SLC27A2: variants seen among roughly 807,000 people sequenced by gnomAD.
SLC27A2 encodes the protein solute carrier family 27 member 2, also known as long-chain fatty acid transport protein 2.
SLC27A2 carries 54 observed loss-of-function variants against 60.0 expected under a neutral mutation model. The observed-to-expected ratio is 0.90, with a 90% CI of 0.72 to 1.13. SLC27A2 has a LOEUF of 1.13. Ranked by LOEUF, SLC27A2 falls within the 50% of genes most tolerant of loss-of-function variation. SLC27A2 has a pLI of 0.00. For missense variants in SLC27A2, 739 were observed against 777.6 expected (o/e 0.95, Z 0.59); for synonymous variants, 297 against 297.6 (o/e 1.00, Z 0.02).
intron 4 of SLC27A2, among the ~76,000 whole-genome samples, chr15:50,217,329 G>A (rs1184840850): frequency 1.3e-5 from 2 of 152,180 alleles, no homozygotes; most frequent in African/African-American, 4.8e-5. Flanking sequence ...GAGACAGGAG[G>A]ATTTTTCTCT....
rs371096077 is a variant in SLC27A2 at position 50,200,672 on chromosome 15, C to G, written c.689-1815C>G. On this transcript the variant is annotated intron_variant, in intron 2 of 9. Coordinates refer to ENST00000267842, the MANE Select transcript of SLC27A2 (RefSeq NM_003645.4). ...CACTCAGATCTTAAACTCTTAGTCC[C>G]CTTCCCAGTGACTTCATGCCCTCCC... Among the ~76,000 whole-genome samples the G allele has an allele frequency of 1.3e-4, 20 of 152,174 alleles. No individual in the cohort carries two copies. The East Asian group carries it at 1.5e-3, about 12-fold the overall frequency.
In SLC27A2 at chr15:50,223,160, G is replaced by A. The variant is rs1412552729; in HGVS notation, c.1167+1G>A. 8 of 1,605,618 alleles carry A rather than the reference G, an allele frequency of 5.0e-6. No homozygotes were observed. The highest frequency in any genetic ancestry group is 6.8e-6 in the Non-Finnish European group (8 of 1,174,820). On this transcript the variant is annotated splice_donor_variant, in intron 5 of 9. Transcript: ENST00000267842. LOFTEE classifies it high-confidence loss of function. ...TGGAAGAGTAAACTACCTACAGAAA[G>A]TAAGTACATTGAAAAATGAGAGCAT...
chr15:50,211,562 G>A (rs893220103), intron 4 of SLC27A2, among the ~76,000 whole-genome samples: 1 of 152,160 alleles, frequency 6.6e-6, no homozygotes, highest in Non-Finnish European at 1.5e-5. Context: ...AATATGAAAA[G>A]CCAAGGCTCA....
chr15:50,224,650 C>T (rs2045267383), intron 5 of SLC27A2, among the ~76,000 whole-genome samples: 1 of 152,190 alleles, frequency 6.6e-6, no homozygotes, highest in Admixed American at 6.5e-5. Flanking sequence ...CCTCCACAGT[C>T]CTCTAGACCT....
chr15:50,214,190 C>T (rs990656429), intron 4 of SLC27A2, among the ~76,000 whole-genome samples: 3 of 152,004 alleles, frequency 2.0e-5, no homozygotes, highest in East Asian at 1.9e-4. Context: ...CACCCTTACG[C>T]ACATAAACTA....
At chr15:50,231,624 A>G (rs1345275246) in intron 8 of SLC27A2, among the ~76,000 whole-genome samples, 1 of 152,188 alleles carries the variant, frequency 6.6e-6, no homozygotes, top group African/African-American at 2.4e-5. Flanking sequence ...GATCTAATGG[A>G]CCAGAAGCTC....
intron 1 of SLC27A2, among the ~76,000 whole-genome samples, chr15:50,196,080 ATATATATATATATATATATAT>A (rs1567428431): frequency 0.25 from 1,916 of 7,814 alleles, 448 homozygotes; most frequent in Non-Finnish European, 0.29. Context: ...AAAAAAAAAT[ATATATATATATATATATATAT>A]ATATATATAT....
intron 1 of SLC27A2, among the ~76,000 whole-genome samples, chr15:50,185,112 G>T (rs1341168465): frequency 6.6e-6 from 1 of 152,170 alleles, no homozygotes; most frequent in Non-Finnish European, 1.5e-5. Flanking sequence ...ACAGGGTTTG[G>T]AGTTTTGTTG....
chr15:50,192,961 T>C (rs1218124590), intron 1 of SLC27A2, among the ~76,000 whole-genome samples: 1 of 152,112 alleles, frequency 6.6e-6, no homozygotes, highest in Non-Finnish European at 1.5e-5. Flanking sequence ...CACTTCTCTC[T>C]ACCCACACTG....
intron 4 of SLC27A2, among the ~76,000 whole-genome samples, chr15:50,216,978 A>T (rs1252214298): frequency 6.6e-6 from 1 of 151,462 alleles, no homozygotes; most frequent in Non-Finnish European, 1.5e-5. Context: ...CTATTATTCT[A>T]AGTGAAGTAA....
chr15:50,210,529 C>T (rs1323048181), intron 4 of SLC27A2, among the ~76,000 whole-genome samples: 1 of 152,176 alleles, frequency 6.6e-6, no homozygotes, highest in East Asian at 1.9e-4. Context: ...CCTGGCACCA[C>T]AGGGATCCAT....
intron 7 of SLC27A2, 51 bp from the exon 8 acceptor site, chr15:50,228,894 C>T: frequency 2.4e-6 from 3 of 1,269,574 alleles, no homozygotes; most frequent in South Asian, 1.2e-5. Context: ...GACATTGCAA[C>T]CTGGGCCAGA....
chr15:50,205,488 T>C (rs772501620), intron 4 of SLC27A2, 125 bp downstream of exon 4: 34 of 966,932 alleles, frequency 3.5e-5, no homozygotes, highest in Non-Finnish European at 4.5e-5. Context: ...ACAATTATCA[T>C]GATAAAGTAC....
chr15:50,224,580 G>T (rs897046773), intron 5 of SLC27A2, among the ~76,000 whole-genome samples: 1 of 152,116 alleles, frequency 6.6e-6, no homozygotes, highest in South Asian at 2.1e-4. Flanking sequence ...TAATCTCAAG[G>T]TGTTCCCAAG....
intron 5 of SLC27A2, among the ~76,000 whole-genome samples, chr15:50,223,970 G>T (rs1018744930): frequency 6.6e-6 from 1 of 152,158 alleles, no homozygotes; most frequent in Admixed American, 6.5e-5. Flanking sequence ...GTTCATGTGC[G>T]TAAGAGCCCT....
In SLC27A2 at chr15:50,231,539, G is replaced by A. The variant is rs929196506; in HGVS notation, c.1556-2329G>A. ...AAAAAAAACACACACACTGAAGTCT[G>A]AGAAGCACTAAAGCCCAGTGGTTCC... On this transcript the variant is annotated intron_variant, in intron 8 of 9. Coordinates refer to ENST00000267842, the MANE Select transcript of SLC27A2 (RefSeq NM_003645.4). Among the ~76,000 whole-genome samples the A allele has an allele frequency of 3.3e-5, 5 of 152,156 alleles. No individual in the cohort carries two copies. In the East Asian group the frequency reaches 9.6e-4, roughly 29 times the overall value.
intron 4 of SLC27A2, among the ~76,000 whole-genome samples, chr15:50,215,394 G>A (rs2045187867): frequency 6.6e-6 from 1 of 152,086 alleles, no homozygotes; most frequent in Non-Finnish European, 1.5e-5. Context: ...ACTGCCAAAA[G>A]CAATCTACAA....
intron 1 of SLC27A2, among the ~76,000 whole-genome samples, chr15:50,197,092 C>T (rs1432490701): frequency 6.6e-6 from 1 of 152,182 alleles, no homozygotes; most frequent in African/African-American, 2.4e-5. Flanking sequence ...ACAAGAAGTA[C>T]AGATTTCAGC....
chr15:50,221,700 T>A (rs751146095), intron 4 of SLC27A2, among the ~76,000 whole-genome samples: 5 of 152,212 alleles, frequency 3.3e-5, no homozygotes, highest in Non-Finnish European at 5.9e-5. Context: ...ACAGTTGATG[T>A]GAGAGGACAG....
Sources: allele counts gnomAD v4.1 joint callset (sites outside exome capture counted in the v4.1 genomes callset), GRCh38; gene constraint gnomAD v4.1.1; transcripts MANE v1.5; gene names NCBI Gene and HGNC (gene_info 2026-07-23, HGNC 2026-07-21).